MAGI2: variants seen among roughly 807,000 people sequenced by gnomAD.
The protein encoded by MAGI2 is membrane-associated guanylate kinase, WW and PDZ domain-containing protein 2.
In MAGI2, 35 loss-of-function variants were observed where a neutral mutation model predicts 133.3. That is an observed-to-expected ratio of 0.26 (90% CI 0.20 to 0.35). MAGI2 has a LOEUF of 0.35. Ranked by LOEUF, MAGI2 falls within the 10% of genes least tolerant of loss-of-function variation. The pLI, the probability that MAGI2 is intolerant of heterozygous loss-of-function variation, is 1.00. For synonymous variants in MAGI2, 729 were observed against 710.6 expected, an observed-to-expected ratio of 1.03 and a Z score of -0.41; for missense variants, 1,636 against 1,863.4, an observed-to-expected ratio of 0.88 and a Z score of 2.25.
chr7:79,418,978 A>G (rs1048526718), intron 1 of MAGI2, among the ~76,000 whole-genome samples: 1 of 151,932 alleles, frequency 6.6e-6, no homozygotes, highest in Non-Finnish European at 1.5e-5. Flanking sequence ...TTAATTAACA[A>G]TGCTACCCCA....
intron 1 of MAGI2, among the ~76,000 whole-genome samples, chr7:79,319,513 G>T (rs1027294957): frequency 6.6e-6 from 1 of 152,092 alleles, no homozygotes; most frequent in East Asian, 1.9e-4. Context: ...GTGTCTATGG[G>T]AAATTCTTAA....
intron 1 of MAGI2, among the ~76,000 whole-genome samples, chr7:79,385,054 G>A (rs1844076452): frequency 1.3e-5 from 2 of 151,688 alleles, no homozygotes; most frequent in African/African-American, 4.8e-5. Flanking sequence ...CAAACCAACA[G>A]CACCATTATT....
At chr7:79,069,385 T>C (rs1211884425) in intron 1 of MAGI2, among the ~76,000 whole-genome samples, 3 of 152,206 alleles carry the variant, frequency 2.0e-5, no homozygotes, top group Non-Finnish European at 2.9e-5. Flanking sequence ...TCTTTGTTGG[T>C]TTAAAGTCTG....
At chr7:78,154,923 C>T (rs1824241142) in intron 16 of MAGI2, among the ~76,000 whole-genome samples, 1 of 117,000 alleles carries the variant, frequency 8.5e-6, no homozygotes, top group Admixed American at 7.8e-5. Context: ...ACAGAGCAAG[C>T]ATCTAATCCA....
intron 2 of MAGI2, among the ~76,000 whole-genome samples, chr7:78,638,228 T>C (rs1809889372): frequency 6.6e-6 from 1 of 152,232 alleles, no homozygotes; most frequent in South Asian, 2.1e-4. Context: ...GCTTCTACAG[T>C]AAATGACCAG....
intron 1 of MAGI2, among the ~76,000 whole-genome samples, chr7:79,135,273 T>A (rs188307830): frequency 6.6e-6 from 1 of 152,174 alleles, no homozygotes; most frequent in African/African-American, 2.4e-5. Flanking sequence ...TGAAGAGATA[T>A]TCCAATATTA....
intron 4 of MAGI2, among the ~76,000 whole-genome samples, chr7:78,520,023 G>A (rs1351061278): frequency 6.6e-6 from 1 of 152,092 alleles, no homozygotes; most frequent in African/African-American, 2.4e-5. Context: ...AAAAGAGGAA[G>A]GTATCTAATT....
At chr7:79,308,205 CTGTTA>C (rs1837974618) in intron 1 of MAGI2, among the ~76,000 whole-genome samples, 1 of 152,110 alleles carries the variant, frequency 6.6e-6, no homozygotes, top group Admixed American at 6.6e-5. Context: ...AATAGACAAA[CTGTTA>C]TATTTCATGA....
chr7:78,779,356 T>A (rs1305524656), intron 2 of MAGI2, among the ~76,000 whole-genome samples: 2 of 152,342 alleles, frequency 1.3e-5, no homozygotes, highest in East Asian at 3.9e-4. Context: ...AAGTAAGATG[T>A]GCTCTTGCAG....
chr7:79,097,992 C>T (rs768550740), intron 1 of MAGI2, among the ~76,000 whole-genome samples: 2 of 152,092 alleles, frequency 1.3e-5, no homozygotes, highest in Non-Finnish European at 2.9e-5. Context: ...CATGGTGGCA[C>T]ACGCCTGTAC....
At chr7:78,391,680 T>A (rs912368340) in intron 6 of MAGI2, among the ~76,000 whole-genome samples, 4 of 152,316 alleles carry the variant, frequency 2.6e-5, no homozygotes, top group African/African-American at 9.6e-5. Flanking sequence ...TCCTTTCAGT[T>A]TTAACTTTGC....
Position 78,739,689 on chromosome 7 carries a change from T to C in MAGI2, c.419-112450A>G, listed in dbSNP as rs1822205107. Among the ~76,000 whole-genome samples the C allele has an allele frequency of 2.0e-5, 3 of 152,210 alleles. No individual in the cohort carries two copies. The South Asian group carries it at 6.2e-4, about 32-fold the overall frequency. On this transcript the variant is annotated intron_variant, in intron 2 of 21. Transcript: ENST00000354212. ...TCCTAGGGCTTAAACGGTGTTTTCT[T>C]CTTAAAGCCTCGTGAAAGCAATTTC...
At chr7:79,342,982 T>C (rs1274350045) in intron 1 of MAGI2, among the ~76,000 whole-genome samples, 1 of 152,062 alleles carries the variant, frequency 6.6e-6, no homozygotes, top group Non-Finnish European at 1.5e-5. Context: ...CAGGCTAGTC[T>C]CGAACTCCTG....
chr7:78,107,339 T>A (rs1468004554), intron 20 of MAGI2, among the ~76,000 whole-genome samples: 2 of 152,210 alleles, frequency 1.3e-5, no homozygotes, highest in Non-Finnish European at 2.9e-5. Flanking sequence ...CTAGGTCTTT[T>A]GTGATTCAGT....
At chr7:79,204,162 C>A (rs139725788) in intron 1 of MAGI2, among the ~76,000 whole-genome samples, 1 of 152,068 alleles carries the variant, frequency 6.6e-6, no homozygotes, top group African/African-American at 2.4e-5. Flanking sequence ...TAAAACCCAG[C>A]ACTAGGTACC....
intron 6 of MAGI2, among the ~76,000 whole-genome samples, chr7:78,382,324 T>C (rs999383044): frequency 2.1e-4 from 32 of 150,214 alleles, no homozygotes; most frequent in Non-Finnish European, 5.9e-5. Flanking sequence ...CTTTTTCATA[T>C]ACATTAATAC....
rs2150835712 is a variant in MAGI2, at chr7:78,588,819, T to C, written c.538+38301A>G. The stretch of plus-strand genomic sequence containing the variant: ...TTTTCCCAGTGTGCTCCAAATGTGA[T>C]CAGATTTACAAACAGCTGATTAAAA... On this transcript the variant is annotated intron_variant, in intron 3 of 21. Transcript: ENST00000354212. 1.3e-5 allele frequency among the ~76,000 whole-genome samples: 2 copies of C among 152,306 alleles called. 1 individual carries two copies. Among genetic ancestry groups the C allele is most frequent in the South Asian group, 4.1e-4 (2 of 4,824 alleles).
intron 1 of MAGI2, among the ~76,000 whole-genome samples, chr7:79,336,424 A>G (rs1043227362): frequency 2.0e-5 from 3 of 152,150 alleles, no homozygotes; most frequent in Non-Finnish European, 4.4e-5. Context: ...ATCTAACAAT[A>G]TGGAATTAAA....
rs1432510405 is a variant in MAGI2 at position 78,560,049 on chromosome 7, A to G, written c.539-38404T>C. Among the ~76,000 whole-genome samples the G allele has an allele frequency of 3.9e-5, 6 of 152,318 alleles. No individual in the cohort carries two copies. In the South Asian group the frequency reaches 6.2e-4, roughly 16 times the overall value. On this transcript the variant is annotated intron_variant, in intron 3 of 21. Coordinates refer to ENST00000354212, the MANE Select transcript of MAGI2 (RefSeq NM_012301.4). ...AAAGGCATGCAGCTTGAAGGATGAC[A>G]AAAGAAAAAAATATTACATGTTCCA...
Sources: allele counts gnomAD v4.1 joint callset (sites outside exome capture counted in the v4.1 genomes callset), GRCh38; gene constraint gnomAD v4.1.1; transcripts MANE v1.5; gene names NCBI Gene and HGNC (gene_info 2026-07-23, HGNC 2026-07-21).